The following CHRM3 variants were observed in gnomAD, a reference collection of about 807,000 sequenced individuals.
The protein encoded by CHRM3 is muscarinic acetylcholine receptor M3.
CHRM3 carries 11 observed loss-of-function variants against 41.8 expected under a neutral mutation model. The observed-to-expected ratio is 0.26, with a 90% confidence interval of 0.17 to 0.44. The LOEUF is 0.44. CHRM3 is among the 20% of genes least tolerant of loss of function. CHRM3 has a pLI of 1.00. For missense variants in CHRM3, 571 were observed against 745.4 expected, an observed-to-expected ratio of 0.77 and a Z score of 2.72; for synonymous variants, 297 against 301.4, an observed-to-expected ratio of 0.99 and a Z score of 0.15.
At chr1:239,869,715 T>C (rs1355441060) in intron 6 of CHRM3, among the ~76,000 whole-genome samples, 1 of 152,234 alleles carries the variant, frequency 6.6e-6, no homozygotes, top group Non-Finnish European at 1.5e-5. Flanking sequence ...TGATTAAGTA[T>C]TATCTTTTTA....
chr1:239,401,601 C>T (rs1659981692), intron 1 of CHRM3, among the ~76,000 whole-genome samples: 1 of 152,038 alleles, frequency 6.6e-6, no homozygotes. Flanking sequence ...AGCGATTCTC[C>T]TGCCTCAGCC....
chr1:239,508,929 A>G (rs1212516447), intron 2 of CHRM3, among the ~76,000 whole-genome samples: 1 of 152,232 alleles, frequency 6.6e-6, no homozygotes, highest in Non-Finnish European at 1.5e-5. Context: ...AATTGTAAGC[A>G]GTAGGGAAGA....
At chr1:239,676,227 A>G (rs1241742048) in intron 4 of CHRM3, among the ~76,000 whole-genome samples, 1 of 152,216 alleles carries the variant, frequency 6.6e-6, no homozygotes. Context: ...GCTTGAGAGA[A>G]GCTCATAGAT....
In CHRM3 at chr1:239,911,795, C is replaced by T. The variant is rs1162835781; in HGVS notation, c.*2571C>T. ...GAAAGCTGCATTTAAATACTATCTA[C>T]TGATTTTATAGAAAGGTATGTCCAT... On this transcript the variant is annotated 3_prime_UTR_variant, in exon 7 of 7. Transcript: ENST00000676153. 1.2e-5 allele frequency: 2 copies of T among 166,806 alleles called. No homozygotes were observed. The highest frequency in any genetic ancestry group is 2.9e-5 in the Non-Finnish European group (2 of 68,112). 10.3% of individuals were successfully genotyped at this position (166,806 alleles called of 1,614,324 possible).
At chr1:239,505,714 T>C (rs1668522664) in intron 2 of CHRM3, among the ~76,000 whole-genome samples, 1 of 152,194 alleles carries the variant, frequency 6.6e-6, no homozygotes, top group Non-Finnish European at 1.5e-5. Context: ...TGGAAGTTAC[T>C]TTGGAACTGG....
At chr1:239,821,642 A>C (rs1672061612) in intron 5 of CHRM3, among the ~76,000 whole-genome samples, 1 of 152,208 alleles carries the variant, frequency 6.6e-6, no homozygotes, top group African/African-American at 2.4e-5. Context: ...TTGGGATAGA[A>C]AGTGATCACA....
chr1:239,561,891 C>T (rs759869831), intron 3 of CHRM3, among the ~76,000 whole-genome samples: 1 of 151,984 alleles, frequency 6.6e-6, no homozygotes, highest in Non-Finnish European at 1.5e-5. Flanking sequence ...ATGGTGTAAA[C>T]AGAATTTCTT....
chr1:239,859,774 C>A (rs539242463), intron 6 of CHRM3, among the ~76,000 whole-genome samples: 1 of 142,462 alleles, frequency 7.0e-6, no homozygotes, highest in Non-Finnish European at 1.5e-5. Flanking sequence ...TAGTGCATGC[C>A]GTATATCAGG....
At chr1:239,743,428 G>T (rs1281338362) in intron 5 of CHRM3, among the ~76,000 whole-genome samples, 1 of 152,200 alleles carries the variant, frequency 6.6e-6, no homozygotes, top group Non-Finnish European at 1.5e-5. Flanking sequence ...GTGGCTCAGT[G>T]TTAATGGAGG....
At chr1:239,390,771 C>T (rs1345160670) in intron 1 of CHRM3, among the ~76,000 whole-genome samples, 1 of 152,134 alleles carries the variant, frequency 6.6e-6, no homozygotes, top group Admixed American at 6.5e-5. Context: ...TGTTAGCCTG[C>T]TACCTTCCCT....
chr1:239,803,464 AAT>A (rs1670374394), intron 5 of CHRM3, among the ~76,000 whole-genome samples: 1 of 152,172 alleles, frequency 6.6e-6, no homozygotes, highest in Admixed American at 6.5e-5. Context: ...TGGCTTACAA[AAT>A]TGTTTTTTAA....
At chr1:239,672,631 G>C (rs866212354) in intron 4 of CHRM3, among the ~76,000 whole-genome samples, 209 of 113,854 alleles carry the variant, frequency 1.8e-3, no homozygotes, top group South Asian at 5.3e-3. Context: ...CACACACACA[G>C]AAAGGGGTAG....
chr1:239,566,061 T>C (rs143071420), intron 3 of CHRM3, among the ~76,000 whole-genome samples: 4,961 of 151,944 alleles, frequency 0.033, 102 homozygotes, highest in Middle Eastern at 0.058. Context: ...ACTACAGGCA[T>C]GTGCCACGAT....
In CHRM3 at chr1:239,492,733, C is replaced by A. The variant is rs1235799007; in HGVS notation, c.-496C>A. On this transcript the variant is annotated 5_prime_UTR_variant, in exon 2 of 7. Transcript: ENST00000676153. ...GAAAGAAGGACTTTGCTGCTTTGGG[C>A]CAGGATCTGAACTTAGGTGTAAACC... The A allele has an allele frequency of 5.3e-5, 8 of 152,222 alleles. No individual in the cohort carries two copies. The highest frequency in any genetic ancestry group is 5.2e-4 in the Admixed American group (8 of 15,272). 9.4% of individuals were successfully genotyped at this position (152,222 alleles called of 1,614,324 possible). A position where few individuals can be genotyped will look rare whatever the true frequency, so the allele number is the denominator to read the frequency against.
At chr1:239,781,974 G>T (rs779839170) in intron 5 of CHRM3, among the ~76,000 whole-genome samples, 1 of 151,964 alleles carries the variant, frequency 6.6e-6, no homozygotes. Context: ...TCACTTGGTC[G>T]TATTGTATAT....
chr1:239,733,301 A>G (rs759734192), intron 5 of CHRM3, among the ~76,000 whole-genome samples: 28 of 152,022 alleles, frequency 1.8e-4, no homozygotes, highest in Non-Finnish European at 4.0e-4. Context: ...GAGCTCCCCC[A>G]AAGTACGCAT....
chr1:239,806,235 G>A (rs144168227), intron 5 of CHRM3, among the ~76,000 whole-genome samples: 5 of 152,276 alleles, frequency 3.3e-5, no homozygotes, highest in East Asian at 1.9e-4. Flanking sequence ...CCAGTCTCCC[G>A]ACTGTCTGCT....
intron 2 of CHRM3, among the ~76,000 whole-genome samples, chr1:239,506,320 G>A (rs750914534): frequency 5.9e-5 from 9 of 152,154 alleles, no homozygotes; most frequent in African/African-American, 1.4e-4. Context: ...TTCATGGGCC[G>A]GGCCTGCTCT....
rs199621116 is a variant in CHRM3 at position 239,435,457 on chromosome 1, T to TA, written c.-521+48247dup. ...GAGCGAGACTCTCTCTCATAAAATTTAAAAAAAAAAAAAAAAAGAAGAAAA... is the reference window on the plus strand; with the variant it reads ...GAGCGAGACTCTCTCTCATAAAATTTAAAAAAAAAAAAAAAAAAGAAGAAAA... On this transcript the variant is annotated intron_variant, in intron 1 of 6. Transcript: ENST00000676153. Among the ~76,000 whole-genome samples the TA allele has an allele frequency of 1.7e-3, 232 of 136,286 alleles. 1 individual carries two copies. Among genetic ancestry groups the TA allele is most frequent in the East Asian group, 3.9e-3 (18 of 4,628 alleles). 89.4% of individuals were successfully genotyped at this position (136,286 alleles called of 152,430 possible).
Sources: gnomAD v4.1 joint callset for allele counts (sites outside exome capture counted in the v4.1 genomes callset) on GRCh38, gnomAD v4.1.1 for gene constraint, MANE v1.5 for transcripts, NCBI Gene and HGNC (gene_info 2026-07-23, HGNC 2026-07-21) for gene names.